MOSPD2: variants seen among roughly 807,000 people sequenced by gnomAD.
MOSPD2 encodes the protein motile sperm domain containing 2.
In MOSPD2, 5 loss-of-function variants were observed where a neutral mutation model predicts 41.7. That is an observed-to-expected ratio of 0.12 (90% CI 0.06 to 0.25). The LOEUF (loss-of-function observed/expected upper bound fraction) is 0.25, where lower values mean the gene tolerates loss of function less well. MOSPD2 is among the 10% of genes least tolerant of loss of function. MOSPD2 has a pLI of 1.00. For missense variants in MOSPD2, 282 were observed against 375.2 expected (o/e 0.75, Z 2.05); for synonymous variants, 115 against 126.9 (o/e 0.91, Z 0.63).
At chrX:14,911,515 AC>A in intron 9 of MOSPD2, 102 bp downstream of exon 9, 3 of 543,640 alleles carry the variant, frequency 5.5e-6, no homozygotes, top group Non-Finnish European at 8.6e-6. Context: ...TTAACCTGCT[AC>A]CCTTCCACAT....
At chrX:14,886,193 A>G (rs1449828648) in intron 2 of MOSPD2, among the ~76,000 whole-genome samples, 1 of 111,486 alleles carries the variant, frequency 9.0e-6, no homozygotes, top group Non-Finnish European at 1.9e-5. Flanking sequence ...CCATTTGACC[A>G]AAATGAGCCA....
intron 10 of MOSPD2, among the ~76,000 whole-genome samples, chrX:14,914,077 G>C (rs778660302): frequency 1.3e-4 from 15 of 111,871 alleles, no homozygotes; most frequent in Non-Finnish European, 1.9e-5. Context: ...TTCTTTTTAA[G>C]TTATGCTCTT....
intron 2 of MOSPD2, among the ~76,000 whole-genome samples, chrX:14,884,877 C>T (rs778797985): frequency 9.0e-6 from 1 of 110,990 alleles, no homozygotes; most frequent in Admixed American, 9.6e-5. Context: ...GGGTATAACA[C>T]CTAGGAACTA....
At chrX:14,877,062 A>C (rs997230467) in intron 2 of MOSPD2, among the ~76,000 whole-genome samples, 1 of 111,710 alleles carries the variant, frequency 9.0e-6, no homozygotes, top group African/African-American at 3.3e-5. Context: ...AGTAATAGGA[A>C]GTCTACTTTG....
rs1180575719 is a variant in MOSPD2, at chrX:14,907,034, CAAGT to C, written c.578-1823_578-1820del. Among the ~76,000 whole-genome samples the C allele has an allele frequency of 2.6e-4, 29 of 111,484 alleles. No homozygotes were observed. In the Admixed American group the frequency reaches 2.7e-3, roughly 10 times the overall value. On this transcript the variant is annotated intron_variant, in intron 7 of 14. Transcript: ENST00000380492. ...AGTGAAACTCTGTCTCAAAAAAAAA[CAAGT>C]AACCCAATTAAACGAGTGAAATATT...
At chrX:14,897,052 G>GTCTTGT in intron 4 of MOSPD2, 32 bp from the exon 5 acceptor site, 3 of 1,120,872 alleles carry the variant, frequency 2.7e-6, no homozygotes, top group Non-Finnish European at 3.6e-6. Context: ...AATGCCATAA[G>GTCTTGT]TCTTGTTCTT....
Position 14,908,948 on chromosome X carries a change from C to T in MOSPD2, c.666C>T (p.Val222=). 2 of 1,183,175 alleles carry T rather than the reference C, an allele frequency of 1.7e-6. 1 individual carries two copies. Among genetic ancestry groups the T allele is most frequent in the South Asian group, 3.7e-5 (2 of 53,376 alleles). The change falls in exon 8 of 15, where the codon GTC becomes GTT. Residue 222 remains valine (V), a synonymous_variant. Transcript: ENST00000380492. ...FTSKNEVQDY[V]SVEYLPPHMG... is the part of the protein sequence containing the mutation. ...GCAAAAATGAAGTCCAGGACTATGT[C>T]AGTGTAGAATACCTGCCTCCCCACA...
intron 7 of MOSPD2, 122 bp downstream of exon 7, chrX:14,903,126 G>A: frequency 2.1e-6 from 1 of 483,556 alleles, no homozygotes; most frequent in Non-Finnish European, 3.5e-6. Context: ...TCTCTTAAGA[G>A]ACTGGAGCTA....
At chrX:14,906,883 G>A (rs901219303) in intron 7 of MOSPD2, among the ~76,000 whole-genome samples, 4 of 111,103 alleles carry the variant, frequency 3.6e-5, no homozygotes, top group Non-Finnish European at 7.5e-5. Context: ...AATTAGCCAA[G>A]CATGGTGGCA....
At chrX:14,882,707 C>T (rs2092533688) in intron 2 of MOSPD2, among the ~76,000 whole-genome samples, 1 of 111,737 alleles carries the variant, frequency 8.9e-6, no homozygotes, top group Non-Finnish European at 1.9e-5. Context: ...TGTAACTTCA[C>T]ATTGGAGACC....
intron 2 of MOSPD2, among the ~76,000 whole-genome samples, chrX:14,882,962 C>T (rs762908807): frequency 9.0e-6 from 1 of 111,010 alleles, no homozygotes; most frequent in South Asian, 3.8e-4. Context: ...TTTGGGAGGC[C>T]AAGGCGGGTG....
At chrX:14,873,613 T>A in intron 1 of MOSPD2, 76 bp downstream of exon 1, 2 of 1,204,265 alleles carry the variant, frequency 1.7e-6, no homozygotes, top group South Asian at 3.5e-5. Context: ...CGAGCGCCCG[T>A]GTGCAGGTGG....
At chrX:14,900,509 C>A (rs1053682888) in intron 5 of MOSPD2, 66 bp from the exon 6 acceptor site, 4 of 521,853 alleles carry the variant, frequency 7.7e-6, no homozygotes, top group African/African-American at 7.2e-5. Context: ...AATTTATCAC[C>A]TTTAGAAATG....
intron 6 of MOSPD2, among the ~76,000 whole-genome samples, chrX:14,901,088 T>C (rs2092572335): frequency 8.9e-6 from 1 of 112,148 alleles, no homozygotes; most frequent in East Asian, 2.8e-4. Context: ...TGTTACCAAC[T>C]GCTACTTAAA....
rs749790620 is a variant in MOSPD2, at chrX:14,916,117, A to G, written c.1187-80A>G. The G allele has an allele frequency of 1.3e-5, 15 of 1,168,212 alleles. No homozygotes were observed. The East Asian group carries it at 3.6e-4, about 28-fold the overall frequency. The stretch of plus-strand genomic sequence containing the variant: ...CTTTTTCCTTAATGTTGAGTTCCAG[A>G]ATAATGCTTTAAACCACATGCATAT... On this transcript the variant is annotated intron_variant, in intron 12 of 14. Coordinates refer to ENST00000380492, the MANE Select transcript of MOSPD2 (RefSeq NM_152581.4).
chrX:14,909,285 A>G (rs183300347), intron 8 of MOSPD2, among the ~76,000 whole-genome samples: 39 of 111,618 alleles, frequency 3.5e-4, no homozygotes, highest in Middle Eastern at 4.7e-3. Context: ...TTCCCTCCCC[A>G]GCTGAATTTC....
intron 2 of MOSPD2, among the ~76,000 whole-genome samples, chrX:14,880,248 G>C (rs1259093802): frequency 9.0e-6 from 1 of 110,782 alleles, no homozygotes. Context: ...AATACTGTAT[G>C]TGTTTTATTT....
intron 4 of MOSPD2, among the ~76,000 whole-genome samples, chrX:14,896,423 A>G (rs1380511252): frequency 1.8e-5 from 2 of 111,389 alleles, no homozygotes; most frequent in Non-Finnish European, 3.8e-5. Context: ...TACTTCCTCA[A>G]TTCAGTTTCT....
At chrX:14,896,811 T>C (rs1249484033) in intron 4 of MOSPD2, among the ~76,000 whole-genome samples, 1 of 112,610 alleles carries the variant, frequency 8.9e-6, no homozygotes, top group African/African-American at 3.2e-5. Context: ...ACATTTAGAT[T>C]ATTATCAAAT....
Sources: gnomAD v4.1 joint callset for allele counts (sites outside exome capture counted in the v4.1 genomes callset) on GRCh38, gnomAD v4.1.1 for gene constraint, MANE v1.5 for transcripts, NCBI Gene and HGNC (gene_info 2026-07-23, HGNC 2026-07-21) for gene names.